The following EYS variants were observed in gnomAD, a reference collection of about 807,000 sequenced individuals.
EYS encodes the protein protein eyes shut homolog.
EYS carries 250 observed loss-of-function variants against 282.1 expected under a neutral mutation model. The ratio of observed to expected loss-of-function variants is 0.89; its 90% CI spans 0.80 to 0.98. EYS has a LOEUF of 0.98. Among genes scored for constraint, EYS ranks in the 50% least tolerant of loss-of-function variants. The pLI, the probability that EYS is intolerant of heterozygous loss-of-function variation, is 0.00. For missense variants in EYS, 4,016 were observed against 3,709.0 expected, an observed-to-expected ratio of 1.08 and a Z score of -2.15; for synonymous variants, 1,355 against 1,282.9, an observed-to-expected ratio of 1.06 and a Z score of -1.20.
intron 35 of EYS, among the ~76,000 whole-genome samples, chr6:63,894,016 G>C (rs1260057126): frequency 6.6e-6 from 1 of 152,180 alleles, no homozygotes; most frequent in Non-Finnish European, 1.5e-5. Context: ...TGTGTGAGGA[G>C]CCTGAGGGGA....
chr6:65,639,908 T>C lies in EYS; in HGVS notation c.-447-16A>G, dbSNP rs958821508. 6.6e-6 allele frequency: 1 copy of C among 152,098 alleles called. No homozygotes were observed. Among genetic ancestry groups the C allele is most frequent in the Non-Finnish European group, 1.5e-5 (1 of 67,994 alleles). The allele number at this position is 152,098 out of a possible 1,614,324, so 9.4% of individuals were successfully genotyped here. A position where few individuals can be genotyped will look rare whatever the true frequency, so the allele number is the denominator to read the frequency against. ...AGGCACAAAGCTGGAAAAAAAGAAA[T>C]AAGAAAAATTATTTTATCTTTCAGT... On this transcript the variant is annotated splice_polypyrimidine_tract_variant and intron_variant, in intron 1 of 42. Coordinates refer to ENST00000503581, the MANE Select transcript of EYS (RefSeq NM_001142800.2).
intron 33 of EYS, among the ~76,000 whole-genome samples, chr6:64,048,692 ATT>A (rs36035102): frequency 2.5e-4 from 37 of 150,692 alleles, no homozygotes; most frequent in Admixed American, 1.7e-3. Flanking sequence ...TCATCTAGTC[ATT>A]TTTTTTTGTT....
chr6:64,560,207 T>C lies in EYS; in HGVS notation c.5644+30016A>G, dbSNP rs9451982. Among the ~76,000 whole-genome samples, 1,030 of 151,994 alleles carry C rather than the reference T, an allele frequency of 6.8e-3. 16 individuals carry two copies. Among genetic ancestry groups the C allele is most frequent in the African/African-American group, 0.024 (988 of 41,516 alleles). On this transcript the variant is annotated intron_variant, in intron 26 of 42. Transcript: ENST00000503581. ...ATGTTAAATTATATTTTCCTAGTTT[T>C]ACTTTATGTTAAATTTAACTTTATG...
intron 12 of EYS, among the ~76,000 whole-genome samples, chr6:65,263,156 C>A (rs1021831091): frequency 2.0e-5 from 3 of 151,962 alleles, no homozygotes; most frequent in African/African-American, 7.2e-5. Context: ...GCCTGAGGAA[C>A]ATGGCAAAAC....
intron 1 of EYS, among the ~76,000 whole-genome samples, chr6:65,686,920 CT>C (rs906426639): frequency 4.7e-4 from 70 of 149,282 alleles, no homozygotes; most frequent in Non-Finnish European, 6.6e-4. Flanking sequence ...TGAAAGGGAG[CT>C]TTTTTTTTAA....
At chr6:65,285,344 G>A (rs1002370031) in intron 12 of EYS, among the ~76,000 whole-genome samples, 2 of 151,914 alleles carry the variant, frequency 1.3e-5, no homozygotes, top group African/African-American at 4.8e-5. Flanking sequence ...TATGAGAGCA[G>A]GGCAGTATCA....
At chr6:65,613,121 A>G (rs1006116292) in intron 2 of EYS, among the ~76,000 whole-genome samples, 3 of 151,850 alleles carry the variant, frequency 2.0e-5, no homozygotes, top group African/African-American at 7.2e-5. Flanking sequence ...TTGCACAGAT[A>G]TACACGTCTG....
intron 22 of EYS, among the ~76,000 whole-genome samples, chr6:64,654,414 A>T (rs1459150899): frequency 6.6e-6 from 1 of 152,214 alleles, no homozygotes; most frequent in Non-Finnish European, 1.5e-5. Flanking sequence ...TCAAACAAGC[A>T]ATTACAAAAA....
At position 65,156,919 on chromosome 6, in the gene EYS, A is replaced by G. The variant is rs1012739550; in HGVS notation, c.2024-99192T>C. On this transcript the variant is annotated intron_variant, in intron 12 of 42. Transcript: ENST00000503581. The stretch of plus-strand genomic sequence containing the variant: ...TTGGCATCCCAGTCCCTTAACTTAA[A>G]CTCTAGTGACATTTTCATCTATTCT... Among the ~76,000 whole-genome samples, 7 of 150,774 alleles carry G rather than the reference A, an allele frequency of 4.6e-5. No homozygotes were observed. In the South Asian group the frequency reaches 1.5e-3, roughly 31 times the overall value.
At chr6:64,928,540 T>A (rs1439572898) in intron 15 of EYS, among the ~76,000 whole-genome samples, 1 of 152,162 alleles carries the variant, frequency 6.6e-6, no homozygotes, top group African/African-American at 2.4e-5. Flanking sequence ...CATTGCTGAA[T>A]ATGTCTGCAT....
chr6:65,268,821 A>T (rs1767826228), intron 12 of EYS, among the ~76,000 whole-genome samples: 1 of 151,818 alleles, frequency 6.6e-6, no homozygotes, highest in Non-Finnish European at 1.5e-5. Flanking sequence ...TTTTAAAAAA[A>T]AGATGCTAAG....
chr6:64,020,294 A>G (rs1769126511), intron 33 of EYS, among the ~76,000 whole-genome samples: 1 of 152,214 alleles, frequency 6.6e-6, no homozygotes, highest in African/African-American at 2.4e-5. Context: ...ATTTTTACAC[A>G]TACAATGCAT....
intron 26 of EYS, among the ~76,000 whole-genome samples, chr6:64,510,140 A>C (rs1454253489): frequency 6.6e-6 from 1 of 152,174 alleles, no homozygotes; most frequent in Non-Finnish European, 1.5e-5. Context: ...ATCTAAAAAA[A>C]CACAAAAGGT....
At chr6:64,529,014 A>G (rs1410255659) in intron 26 of EYS, among the ~76,000 whole-genome samples, 1 of 152,084 alleles carries the variant, frequency 6.6e-6, no homozygotes, top group Non-Finnish European at 1.5e-5. Flanking sequence ...AATGGTATAC[A>G]GAGTTTTTTG....
chr6:63,805,844 C>T (rs1017122712), intron 37 of EYS, among the ~76,000 whole-genome samples: 1 of 152,196 alleles, frequency 6.6e-6, no homozygotes, highest in Non-Finnish European at 1.5e-5. Context: ...GCTTCCTCTT[C>T]CCCTTCCACC....
chr6:64,105,830 T>TGG (rs1772990921), intron 31 of EYS, among the ~76,000 whole-genome samples: 1 of 152,170 alleles, frequency 6.6e-6, no homozygotes, highest in Non-Finnish European at 1.5e-5. Context: ...TAACTTTTCT[T>TGG]GCTTCGAAGT....
intron 26 of EYS, among the ~76,000 whole-genome samples, chr6:64,502,361 C>T (rs1480691276): frequency 6.6e-6 from 1 of 152,074 alleles, no homozygotes; most frequent in Non-Finnish European, 1.5e-5. Flanking sequence ...CTGCCTCAGC[C>T]TCCCGAGTAG....
chr6:64,106,681 G>GT lies in EYS; in HGVS notation c.6425-24680dup, dbSNP rs1773024191. ...GTTTTTGGCATTTATCGTGCTTGGT[G>GT]TTCTTTGGGCTTCCTGGGTTTGCGG... On this transcript the variant is annotated intron_variant, in intron 31 of 42. Coordinates refer to ENST00000503581, the MANE Select transcript of EYS (RefSeq NM_001142800.2). Among the ~76,000 whole-genome samples, 6 of 151,778 alleles carry GT rather than the reference G, an allele frequency of 4.0e-5. No homozygotes were observed. The South Asian group carries it at 1.2e-3, about 32-fold the overall frequency.
intron 12 of EYS, among the ~76,000 whole-genome samples, chr6:65,095,559 A>C (rs765630842): frequency 3.3e-5 from 5 of 151,176 alleles, no homozygotes; most frequent in African/African-American, 4.8e-5. Flanking sequence ...AATATACACA[A>C]ATTTTACTTA....
Sources: gnomAD v4.1 joint callset for allele counts (sites outside exome capture counted in the v4.1 genomes callset) on GRCh38, gnomAD v4.1.1 for gene constraint, MANE v1.5 for transcripts, NCBI Gene and HGNC (gene_info 2026-07-23, HGNC 2026-07-21) for gene names.